BTBD16: variants seen among roughly 807,000 people sequenced by gnomAD.
The protein encoded by BTBD16 is BTB/POZ domain-containing protein 16.
In BTBD16, 66 loss-of-function variants were observed where a neutral mutation model predicts 67.4. The observed-to-expected ratio is 0.98, with a 90% confidence interval of 0.80 to 1.20. The LOEUF (loss-of-function observed/expected upper bound fraction) is 1.20. Ranked by LOEUF, BTBD16 falls within the 50% of genes most tolerant of loss-of-function variation. BTBD16 has a pLI of 0.00. For synonymous variants in BTBD16, 242 were observed against 236.4 expected (o/e 1.02, Z -0.22); for missense variants, 634 against 616.0 (o/e 1.03, Z -0.31).
At position 122,291,175 on chromosome 10, in the gene BTBD16, T is replaced by G. The variant is rs768772900; in HGVS notation, c.571T>G (p.Phe191Val). ...GVLASAHILQ[F>V]SGLFQRCVDV... ...GCTGGCTTCCGCCCACATCCTCCAG[T>G]TCAGTGGCCTGTTTCAAAGGTAAGG... Residue 191 changes from phenylalanine (F) to valine (V), a missense_variant, in exon 7 of 16, where the codon TTC (phenylalanine) becomes GTC (valine). Physicochemically the swap from Phe to Val is conservative, Grantham distance 50 (BLOSUM62 -1). Transcript: ENST00000260723. 5 of 1,612,920 alleles carry G rather than the reference T, an allele frequency of 3.1e-6. No individual in the cohort carries two copies. The highest frequency in any genetic ancestry group is 4.2e-6 in the Non-Finnish European group (5 of 1,179,532).
At chr10:122,294,998 G>A (rs769886884) in intron 7 of BTBD16, among the ~76,000 whole-genome samples, 9 of 152,242 alleles carry the variant, frequency 5.9e-5, no homozygotes, top group Non-Finnish European at 1.2e-4. Flanking sequence ...CACAGCTTGG[G>A]CTTCACCCTC....
At chr10:122,304,203 CCAGAGT>C (rs1238370118) in intron 9 of BTBD16, among the ~76,000 whole-genome samples, 4 of 152,092 alleles carry the variant, frequency 2.6e-5, no homozygotes, top group Admixed American at 1.3e-4. Flanking sequence ...TCCTGTCTGG[CCAGAGT>C]CAAAGTCCAT....
chr10:122,333,583 T>G (rs2096458385), intron 13 of BTBD16, among the ~76,000 whole-genome samples: 1 of 152,016 alleles, frequency 6.6e-6, no homozygotes. Context: ...CAGGGCATGG[T>G]GAATGTTGGG....
intron 14 of BTBD16, among the ~76,000 whole-genome samples, chr10:122,335,901 C>T (rs4752682): frequency 0.37 from 55,483 of 151,706 alleles, 10,548 homozygotes; most frequent in East Asian, 0.69. Context: ...TGGAGTCTCA[C>T]TCTGTTGCCC....
At chr10:122,287,068 G>A (rs1479296479) in intron 5 of BTBD16, among the ~76,000 whole-genome samples, 1 of 152,144 alleles carries the variant, frequency 6.6e-6, no homozygotes, top group Non-Finnish European at 1.5e-5. Context: ...CCCCCTCCCT[G>A]AGCCTGAGCC....
At chr10:122,327,298 CA>C (rs2096446781) in intron 10 of BTBD16, among the ~76,000 whole-genome samples, 1 of 152,204 alleles carries the variant, frequency 6.6e-6, no homozygotes, top group Non-Finnish European at 1.5e-5. Context: ...TGAATACCAC[CA>C]GGAACAATTG....
At chr10:122,292,049 C>T (rs933112693) in intron 7 of BTBD16, among the ~76,000 whole-genome samples, 2 of 152,154 alleles carry the variant, frequency 1.3e-5, no homozygotes, top group East Asian at 1.9e-4. Flanking sequence ...TCCAAGCAGC[C>T]GAGGAAACAC....
chr10:122,320,855 A>G (rs2096434244), intron 10 of BTBD16, among the ~76,000 whole-genome samples: 1 of 152,160 alleles, frequency 6.6e-6, no homozygotes, highest in Admixed American at 6.5e-5. Context: ...CTATTTTTAA[A>G]AATTTCAACT....
intron 9 of BTBD16, among the ~76,000 whole-genome samples, chr10:122,306,698 G>A (rs565560490): frequency 6.6e-6 from 1 of 152,194 alleles, no homozygotes; most frequent in African/African-American, 2.4e-5. Flanking sequence ...CTTAGTCATC[G>A]AGATGCAGTC....
intron 10 of BTBD16, among the ~76,000 whole-genome samples, chr10:122,327,098 C>T (rs2096446405): frequency 6.6e-6 from 1 of 152,194 alleles, no homozygotes; most frequent in African/African-American, 2.4e-5. Flanking sequence ...CCTGAGTGGC[C>T]TGTGTAGGAC....
chr10:122,332,169 A>G, intron 12 of BTBD16: 1 of 406,146 alleles, frequency 2.5e-6, no homozygotes, highest in South Asian at 3.3e-5. Context: ...TGCCCCATGC[A>G]CACATTTTAT....
chr10:122,333,760 AT>A (rs145893284), intron 13 of BTBD16, among the ~76,000 whole-genome samples: 82 of 150,126 alleles, frequency 5.5e-4, no homozygotes, highest in Admixed American at 1.1e-3. Context: ...TTGCTTTGTA[AT>A]TTTTTTTTTG....
chr10:122,310,273 G>C (rs533638774), intron 10 of BTBD16, among the ~76,000 whole-genome samples: 1 of 152,310 alleles, frequency 6.6e-6, no homozygotes, highest in East Asian at 1.9e-4. Flanking sequence ...GAAGAATGTC[G>C]CAGTAGATTA....
chr10:122,319,698 C>T (rs998381413), intron 10 of BTBD16, among the ~76,000 whole-genome samples: 2 of 152,038 alleles, frequency 1.3e-5, no homozygotes, highest in African/African-American at 2.4e-5. Flanking sequence ...TTTGACTACT[C>T]TAGCTCCTTT....
chr10:122,274,742 C>T (rs988542011), intron 1 of BTBD16, among the ~76,000 whole-genome samples: 1 of 152,152 alleles, frequency 6.6e-6, no homozygotes, highest in African/African-American at 2.4e-5. Context: ...CTACTTATAG[C>T]TATCTTTTGG....
intron 13 of BTBD16, chr10:122,332,857 A>G (rs2096457394): frequency 1.0e-6 from 1 of 985,374 alleles, no homozygotes; most frequent in Non-Finnish European, 1.2e-6. Flanking sequence ...TCCCACAAAC[A>G]CCAACAGTTG....
Position 122,298,994 on chromosome 10 carries a change from T to C in BTBD16, c.661-10T>C. 1 of 1,613,166 alleles carries C rather than the reference T, an allele frequency of 6.2e-7. No individual in the cohort carries two copies. The highest frequency in any genetic ancestry group is 2.2e-5 in the East Asian group (1 of 44,888). ...GACTTCCTTCATCAACTGGCTTTTT[T>C]TTGTCTTAGTACAAGGAAGAGCAGC... On this transcript the variant is annotated splice_polypyrimidine_tract_variant and intron_variant, in intron 8 of 15. Transcript: ENST00000260723.
At chr10:122,296,720 T>C (rs1450115773) in intron 7 of BTBD16, among the ~76,000 whole-genome samples, 1 of 152,102 alleles carries the variant, frequency 6.6e-6, no homozygotes, top group East Asian at 1.9e-4. Context: ...AGGAACCAGG[T>C]AGAAGGAAGT....
intron 1 of BTBD16, among the ~76,000 whole-genome samples, chr10:122,274,569 C>G (rs775312924): frequency 6.6e-6 from 1 of 152,206 alleles, no homozygotes; most frequent in Non-Finnish European, 1.5e-5. Context: ...TCAGAGATAA[C>G]TGGAAAGTCC....
Sources: gnomAD v4.1 joint callset for allele counts (sites outside exome capture counted in the v4.1 genomes callset) on GRCh38, gnomAD v4.1.1 for gene constraint, MANE v1.5 for transcripts, NCBI Gene and HGNC (gene_info 2026-07-23, HGNC 2026-07-21) for gene names.